Variants in LGR4 observed in about 807,000 individuals in gnomAD.
The protein encoded by LGR4 is leucine-rich repeat-containing G protein-coupled receptor 4.
LGR4 carries 44 observed loss-of-function variants against 84.8 expected under a neutral mutation model. The ratio of observed to expected loss-of-function variants is 0.52; its 90% CI spans 0.41 to 0.67. The LOEUF (loss-of-function observed/expected upper bound fraction) is 0.67. Ranked by LOEUF, LGR4 falls within the 30% of genes least tolerant of loss-of-function variation. LGR4 has a pLI of 0.00. For missense variants in LGR4, 1,032 were observed against 1,131.4 expected, an observed-to-expected ratio of 0.91 and a Z score of 1.26; for synonymous variants, 429 against 434.3, an observed-to-expected ratio of 0.99 and a Z score of 0.15.
rs545128087 is a variant in LGR4 at position 27,426,906 on chromosome 11, T to A, written c.186-14046A>T. On this transcript the variant is annotated intron_variant, in intron 1 of 17. Transcript: ENST00000379214. ...ATGCTTTGGAATTTGGGAAAATAATTTCCCCAGAAACAATGGTCAAATGGT... is the reference window on the plus strand; with the variant it reads ...ATGCTTTGGAATTTGGGAAAATAATATCCCCAGAAACAATGGTCAAATGGT... Among the ~76,000 whole-genome samples, 169 of 152,306 alleles carry A rather than the reference T, an allele frequency of 1.1e-3. 2 individuals are homozygous for A. In the South Asian group the frequency reaches 0.027, roughly 24 times the overall value.
At chr11:27,380,817 C>A in intron 8 of LGR4, 78 bp downstream of exon 8, 1 of 1,182,356 alleles carries the variant, frequency 8.5e-7, no homozygotes, top group Non-Finnish European at 1.3e-6. Context: ...ACTTCTCATT[C>A]TTTATCAGGG....
intron 12 of LGR4, among the ~76,000 whole-genome samples, chr11:27,376,801 T>C (rs1023491752): frequency 6.6e-6 from 1 of 152,194 alleles, no homozygotes; most frequent in African/African-American, 2.4e-5. Flanking sequence ...TGCCTCCCCC[T>C]TCCCATCTCC....
intron 4 of LGR4, among the ~76,000 whole-genome samples, chr11:27,385,925 G>C (rs1863179322): frequency 6.6e-6 from 1 of 151,778 alleles, no homozygotes; most frequent in Non-Finnish European, 1.5e-5. Flanking sequence ...CTGTACCAAA[G>C]AGAAATATTA....
intron 1 of LGR4, among the ~76,000 whole-genome samples, chr11:27,432,104 C>A (rs1250344795): frequency 2.0e-5 from 3 of 152,284 alleles, no homozygotes; most frequent in East Asian, 3.9e-4. Flanking sequence ...ATCTACATAG[C>A]AGAGCATTGC....
chr11:27,414,396 T>TA (rs372024424), intron 1 of LGR4, among the ~76,000 whole-genome samples: 7,834 of 145,192 alleles, frequency 0.054, 253 homozygotes, highest in Middle Eastern at 0.098. Flanking sequence ...AACCGGGGTT[T>TA]AAAAAAAAAA....
chr11:27,472,392 C>G lies in LGR4; in HGVS notation c.-90G>C. On this transcript the variant is annotated 5_prime_UTR_variant, in exon 1 of 18. Coordinates refer to ENST00000379214, the MANE Select transcript of LGR4 (RefSeq NM_018490.5). Reference sequence around the variant, plus strand: ...CCCCCGCCGCCCCCGGGCAGCCGGCCTGCGGGCTGGAGCGGGGGTCTCTTC... The same window carrying G: ...CCCCCGCCGCCCCCGGGCAGCCGGCGTGCGGGCTGGAGCGGGGGTCTCTTC... 1 of 1,070,180 alleles carries G rather than the reference C, an allele frequency of 9.3e-7. No individual in the cohort carries two copies. Among genetic ancestry groups the G allele is most frequent in the Non-Finnish European group, 1.2e-6 (1 of 848,620 alleles). The allele number at this position is 1,070,180 out of a possible 1,614,324, so 66.3% of individuals were successfully genotyped here. A position where few individuals can be genotyped will look rare whatever the true frequency, so the allele number is the denominator to read the frequency against.
In LGR4 at chr11:27,421,473, C is replaced by T. The variant is rs112703997; in HGVS notation, c.186-8613G>A. On this transcript the variant is annotated intron_variant, in intron 1 of 17. Coordinates refer to ENST00000379214, the MANE Select transcript of LGR4 (RefSeq NM_018490.5). ...TACCATTTTATGCTGTAATTGTTTA[C>T]ACTCTTGATGAAGCAATACAGCCTA... Among the ~76,000 whole-genome samples, 519 of 152,252 alleles carry T rather than the reference C, an allele frequency of 3.4e-3. 4 individuals are homozygous for T. Among genetic ancestry groups the T allele is most frequent in the Middle Eastern group, 6.8e-3 (2 of 294 alleles).
chr11:27,432,680 C>T (rs6484298), intron 1 of LGR4, among the ~76,000 whole-genome samples: 151,510 of 152,324 alleles, frequency 0.99, 75,354 homozygotes, highest in Middle Eastern at 1. Context: ...TAAGATCTTA[C>T]AGAGGACCCC....
chr11:27,435,688 A>G (rs2133426137), intron 1 of LGR4, among the ~76,000 whole-genome samples: 2 of 151,470 alleles, frequency 1.3e-5, no homozygotes, highest in East Asian at 4.0e-4. Context: ...GGGTTTCATC[A>G]TGTTAGCCAG....
chr11:27,452,639 T>C lies in LGR4; in HGVS notation c.185+19479A>G, dbSNP rs550774633. ...ACTTTTTGAGTTTTTTTTTTTTTTT[T>C]TTTTTTGAGACAGAGTCTCTGTCGC... On this transcript the variant is annotated intron_variant, in intron 1 of 17. Coordinates refer to ENST00000379214, the MANE Select transcript of LGR4 (RefSeq NM_018490.5). 2.3e-5 allele frequency among the ~76,000 whole-genome samples: 3 copies of C among 128,500 alleles called. No individual in the cohort carries two copies. The East Asian group carries it at 6.2e-4, about 27-fold the overall frequency. 84.3% of individuals were successfully genotyped at this position (128,500 alleles called of 152,430 possible).
At chr11:27,400,020 C>T (rs923455220) in intron 2 of LGR4, among the ~76,000 whole-genome samples, 3 of 152,134 alleles carry the variant, frequency 2.0e-5, no homozygotes, top group Non-Finnish European at 2.9e-5. Flanking sequence ...TAGTACTTCT[C>T]ATTTTCGTCA....
intron 5 of LGR4, among the ~76,000 whole-genome samples, chr11:27,384,763 G>A (rs1863155610): frequency 6.6e-6 from 1 of 152,190 alleles, no homozygotes; most frequent in South Asian, 2.1e-4. Context: ...CTGAGGACAT[G>A]AGGGTAATGG....
chr11:27,467,581 A>T (rs78132625), intron 1 of LGR4, among the ~76,000 whole-genome samples: 1 of 148,608 alleles, frequency 6.7e-6, no homozygotes, highest in Admixed American at 6.7e-5. Flanking sequence ...AAAAAAAAAA[A>T]ATCAAATTAA....
Position 27,380,907 on chromosome 11 carries a change from A to G in LGR4, c.818T>C (p.Leu273Pro), listed in dbSNP as rs779651860. The G allele has an allele frequency of 2.6e-6, 4 of 1,544,194 alleles. No homozygotes were observed. Among genetic ancestry groups the G allele is most frequent in the Middle Eastern group, 3.4e-4 (2 of 5,900 alleles). Residue 273 changes from leucine (L) to proline (P), a missense_variant, in exon 8 of 18, where the codon CTC becomes CCC. Leu to Pro is a moderately conservative substitution (Grantham distance 98). Coordinates refer to ENST00000379214, the MANE Select transcript of LGR4 (RefSeq NM_018490.5). ...CAAAAATACTTACATAGTTCTTAAG[A>G]GTGGATTACCATCAAATGCTCCATC... ...IPDGAFDGNP[L>P]LRTIHLYDNP...
intron 17 of LGR4, 143 bp downstream of exon 17, chr11:27,371,472 G>T: frequency 1.9e-6 from 1 of 527,478 alleles, no homozygotes; most frequent in Non-Finnish European, 3.3e-6. Flanking sequence ...TGGCTGGTAC[G>T]CAAAGCACAA....
At chr11:27,450,411 C>G (rs768349578) in intron 1 of LGR4, among the ~76,000 whole-genome samples, 24 of 152,190 alleles carry the variant, frequency 1.6e-4, no homozygotes, top group Non-Finnish European at 3.2e-4. Context: ...TAGACACTTT[C>G]AATTCCACAA....
intron 15 of LGR4, 69 bp downstream of exon 15, chr11:27,373,482 A>G (rs1862922215): frequency 7.0e-7 from 1 of 1,422,334 alleles, no homozygotes; most frequent in African/African-American, 1.4e-5. Context: ...AGAGCAAAAA[A>G]CCAGGACACT....
Position 27,429,254 on chromosome 11 carries a change from G to A in LGR4, c.186-16394C>T, listed in dbSNP as rs144545243. Among the ~76,000 whole-genome samples the A allele has an allele frequency of 4.8e-3, 728 of 152,302 alleles. 3 individuals carry two copies. Among genetic ancestry groups the A allele is most frequent in the African/African-American group, 0.017 (686 of 41,556 alleles). On this transcript the variant is annotated intron_variant, in intron 1 of 17. Coordinates refer to ENST00000379214, the MANE Select transcript of LGR4 (RefSeq NM_018490.5). ...AATCCCAGCACTTTGGGAGGCTGAG[G>A]TGGGCAGATCACTTGAGGTCAGGAG... is the stretch of plus-strand genomic sequence containing the variant.
chr11:27,442,234 G>C (rs938432115), intron 1 of LGR4, among the ~76,000 whole-genome samples: 22 of 152,154 alleles, frequency 1.4e-4, no homozygotes, highest in Non-Finnish European at 1.6e-4. Context: ...AACCAGAGAA[G>C]AAGAGACTAG....
Sources: allele counts gnomAD v4.1 joint callset (sites outside exome capture counted in the v4.1 genomes callset), GRCh38; gene constraint gnomAD v4.1.1; transcripts MANE v1.5; gene names NCBI Gene and HGNC (gene_info 2026-07-23, HGNC 2026-07-21).